POLG: variants seen among roughly 807,000 people sequenced by gnomAD.
POLG encodes the protein DNA polymerase subunit gamma-1.
In POLG, 110 loss-of-function variants were observed where a neutral mutation model predicts 155.4. The ratio of observed to expected loss-of-function variants is 0.71; its 90% CI spans 0.61 to 0.83. POLG has a LOEUF of 0.83. Among genes scored for constraint, POLG ranks in the 40% least tolerant of loss-of-function variants. The probability of loss-of-function intolerance (pLI) is 0.00; values close to 1 mark genes in which losing one functional copy is unlikely to be tolerated. For synonymous variants in POLG, 701 were observed against 631.5 expected, an observed-to-expected ratio of 1.11 and a Z score of -1.65; for missense variants, 1,685 against 1,627.5, an observed-to-expected ratio of 1.04 and a Z score of -0.61.
chr15:89,323,800 C>T lies in POLG; in HGVS notation c.2157+15G>A, dbSNP rs766521182. 77 of 1,607,796 alleles carry T rather than the reference C, an allele frequency of 4.8e-5. No homozygotes were observed. The highest frequency in any genetic ancestry group is 6.7e-5 in the African/African-American group (5 of 74,790). ...CAGCACCCACCTAGAGAACCCAAGC[C>T]GGCGCACTGCTCACCAGAGCTAGGG... On this transcript the variant is annotated intron_variant, in intron 12 of 22. Transcript: ENST00000268124.
chr15:89,321,356 T>C, intron 16 of POLG, 96 bp from the exon 17 acceptor site: 1 of 1,416,056 alleles, frequency 7.1e-7, no homozygotes, highest in East Asian at 2.4e-5. Flanking sequence ...CCTGAGGGGA[T>C]GGCTTTAGAG....
rs905125108 is a variant in POLG at position 89,324,557 on chromosome 15, C to T, written c.1950-330G>A. On this transcript the variant is annotated intron_variant, in intron 10 of 22. Coordinates refer to ENST00000268124, the MANE Select transcript of POLG (RefSeq NM_002693.3). ...GCCCAGCTGCAGGCTGGCTCCTGTC[C>T]GCTCACCTACCCTCGGGCTCAAAGG... Among the ~76,000 whole-genome samples the T allele has an allele frequency of 5.9e-5, 9 of 152,212 alleles. No individual in the cohort carries two copies. In the South Asian group the frequency reaches 1.0e-3, roughly 17 times the overall value.
intron 9 of POLG, 99 bp downstream of exon 9, chr15:89,326,513 T>C (rs912493837): frequency 7.6e-6 from 10 of 1,319,934 alleles, no homozygotes; most frequent in Non-Finnish European, 1.1e-5. Flanking sequence ...TAAGTATACA[T>C]GTGCATGATG....
chr15:89,319,466 G>GTGT, intron 18 of POLG, 116 bp from the exon 19 acceptor site: 2 of 1,370,716 alleles, frequency 1.5e-6, no homozygotes, highest in Non-Finnish European at 2.0e-6. Flanking sequence ...CATCATGCCA[G>GTGT]TCCCCTAAAG....
Position 89,328,444 on chromosome 15 carries a change from G to A in POLG, c.1250+12C>T, listed in dbSNP as rs985160740. 3 of 1,608,426 alleles carry A rather than the reference G, an allele frequency of 1.9e-6. No individual in the cohort carries two copies. The highest frequency in any genetic ancestry group is 2.6e-6 in the Non-Finnish European group (3 of 1,175,502). ...CTGACCCCCAGAGATTCCCACATGGGCTCCCCCTCACCTCTCCAAGAAGAG... is the reference window on the plus strand; with the variant it reads ...CTGACCCCCAGAGATTCCCACATGGACTCCCCCTCACCTCTCCAAGAAGAG... On this transcript the variant is annotated intron_variant, in intron 6 of 22. Coordinates refer to ENST00000268124, the MANE Select transcript of POLG (RefSeq NM_002693.3).
Position 89,321,130 on chromosome 15 carries a change from A to G in POLG, c.2729T>C (p.Met910Thr), listed in dbSNP as rs2055389873. Reference protein sequence around the residue: ...AVLGDAHFAGMHGCTAFGWMT... With the variant: ...AVLGDAHFAGTHGCTAFGWMT... ...CAACCCCGGCTCCTGCTCACCATGC[A>G]TGCCGGCAAAGTGGGCGTCTCCAAG... is the stretch of plus-strand genomic sequence containing the variant. Residue 910 changes from methionine to threonine, a missense_variant, in exon 17 of 23, where the codon ATG (methionine) becomes ACG (threonine). Around this residue, in one of 3 missense-constraint regions of POLG, gnomAD observed 470 missense variants for 439.9 expected, o/e 1.07. Coordinates refer to ENST00000268124, the MANE Select transcript of POLG (RefSeq NM_002693.3). 1.9e-6 allele frequency: 3 copies of G among 1,614,120 alleles called. No individual in the cohort carries two copies. The highest frequency in any genetic ancestry group is 2.7e-5 in the African/African-American group (2 of 74,950).
chr15:89,331,258 C>G (rs8032519), intron 2 of POLG, among the ~76,000 whole-genome samples: 1 of 152,168 alleles, frequency 6.6e-6, no homozygotes, highest in African/African-American at 2.4e-5. Flanking sequence ...AACTCATACT[C>G]CAAATGGTGA....
chr15:89,328,432 A>G (rs1343835813), intron 6 of POLG, 24 bp downstream of exon 6: 1 of 1,596,178 alleles, frequency 6.3e-7, no homozygotes, highest in Non-Finnish European at 8.6e-7. Flanking sequence ...ACCCCCAGAG[A>G]TTCCCACATG....
chr15:89,321,782 G>C lies in POLG; in HGVS notation c.2552C>G (p.Thr851Ser), dbSNP rs765339802. ...CCATGTGGGCTCCACAGCCCGGCGA[G>C]TGATGGTGCCGGCAGTCACCACTTG... Reference protein sequence around the residue: ...LPQVVTAGTITRRAVEPTWLT... With the variant: ...LPQVVTAGTISRRAVEPTWLT... The change falls in exon 16 of 23, where the codon ACT becomes AGT. Residue 851 changes from threonine (T) to serine (S), a missense_variant. Thr to Ser is a moderately conservative substitution (Grantham distance 58). This residue lies in a region of POLG where 1,210 missense variants were observed against 1,167.1 expected (regional missense o/e 1.04). Coordinates refer to ENST00000268124, the MANE Select transcript of POLG (RefSeq NM_002693.3). 3 of 1,614,160 alleles carry C rather than the reference G, an allele frequency of 1.9e-6. No homozygotes were observed. Among genetic ancestry groups the C allele is most frequent in the East Asian group, 4.5e-5 (2 of 44,876 alleles).
rs1491389539 is a variant in POLG, at chr15:89,325,103, AGT to A, written c.1949+345_1949+346del. ...GAGTGAGAGAGTGAGTGAGTGAGAGAGTGAGAGAGAGTGAGTGAGTGAGTGAG... is the reference window on the plus strand; with the variant it reads ...GAGTGAGAGAGTGAGTGAGTGAGAGAGAGAGAGAGTGAGTGAGTGAGTGAG... On this transcript the variant is annotated intron_variant, in intron 10 of 22. Coordinates refer to ENST00000268124, the MANE Select transcript of POLG (RefSeq NM_002693.3). Among the ~76,000 whole-genome samples, 46 of 77,558 alleles carry A rather than the reference AGT, an allele frequency of 5.9e-4. 6 individuals are homozygous for A. Among genetic ancestry groups the A allele is most frequent in the African/African-American group, 3.1e-3 (32 of 10,202 alleles). 50.9% of individuals were successfully genotyped at this position (77,558 alleles called of 152,430 possible). A position where few individuals can be genotyped will look rare whatever the true frequency, so the allele number is the denominator to read the frequency against.
chr15:89,331,153 G>C (rs899961491), intron 2 of POLG, among the ~76,000 whole-genome samples: 1 of 44,772 alleles, frequency 2.2e-5, no homozygotes, highest in Admixed American at 1.8e-4. Flanking sequence ...AGGGAAAAAG[G>C]GAGTATCTGC....
chr15:89,331,749 G>A (rs1005189403), intron 2 of POLG, among the ~76,000 whole-genome samples: 4 of 152,128 alleles, frequency 2.6e-5, no homozygotes, highest in East Asian at 1.9e-4. Flanking sequence ...AAAGTGGACC[G>A]CTATTAGGGC....
Position 89,327,817 on chromosome 15 carries a change from G to A in POLG, c.1251-468C>T, listed in dbSNP as rs74516766. Among the ~76,000 whole-genome samples, 675 of 150,166 alleles carry A rather than the reference G, an allele frequency of 4.5e-3. 7 individuals are homozygous for A. The highest frequency in any genetic ancestry group is 0.016 in the African/African-American group (643 of 40,778). ...ACCCGAGACAGCAAGCCCAACCCCC[G>A]CCCTCAGCCTACTCAACGTGAAGGA... On this transcript the variant is annotated intron_variant, in intron 6 of 22. Transcript: ENST00000268124.
chr15:89,322,905 G>A lies in POLG; in HGVS notation c.2266-3C>T, dbSNP rs777809569. On this transcript the variant is annotated splice_polypyrimidine_tract_variant and splice_region_variant and intron_variant, in intron 13 of 22. Transcript: ENST00000268124. ...CCCACATTACAGCTATTACCATCCT[G>A]GACAGAGCAAAGGAAGCAGGGGCTG... 3.1e-6 allele frequency: 5 copies of A among 1,611,916 alleles called. No homozygotes were observed. In the South Asian group the frequency reaches 3.3e-5, roughly 11 times the overall value.
chr15:89,325,153 AGTGAGTGAGTGAGT>A (rs2055478586), intron 10 of POLG, among the ~76,000 whole-genome samples: 1 of 94,926 alleles, frequency 1.1e-5, no homozygotes, highest in Non-Finnish European at 2.2e-5. Flanking sequence ...AGAGTGAGTG[AGTGAGTGAGTGAGT>A]GAGAGAGTGA....
intron 22 of POLG, 36 bp downstream of exon 22, chr15:89,317,340 C>A: frequency 8.1e-6 from 13 of 1,607,490 alleles, no homozygotes; most frequent in Non-Finnish European, 1.1e-5. Context: ...CACCTCAGAT[C>A]CTATGTGTAA....
rs376649412 is a variant in POLG, at chr15:89,328,691, G to A, written c.1164C>T (p.Asn388=). ...VKGTMKDIRE[N]FQDLMQYCAQ... Reference sequence around the variant, plus strand: ...GCCCCCTCCAGCACCATACCTGGAAGTTCTCACGAATGTCCTTCATGGTGC... The same window carrying A: ...GCCCCCTCCAGCACCATACCTGGAAATTCTCACGAATGTCCTTCATGGTGC... The change falls in exon 5 of 23, where the codon AAC becomes AAT. Residue 388 remains asparagine (N), a synonymous_variant. Transcript: ENST00000268124. 3 of 1,614,042 alleles carry A rather than the reference G, an allele frequency of 1.9e-6. No individual in the cohort carries two copies. Among genetic ancestry groups the A allele is most frequent in the African/African-American group, 1.3e-5 (1 of 74,946 alleles).
At chr15:89,323,943 G>C (rs373309624) in intron 11 of POLG, 42 bp from the exon 12 acceptor site, 1 of 1,543,730 alleles carries the variant, frequency 6.5e-7, no homozygotes, top group Non-Finnish European at 9.0e-7. Context: ...CAGGGGACTG[G>C]GTAGGCCCCA....
chr15:89,324,432 C>T, intron 10 of POLG: 1 of 663,804 alleles, frequency 1.5e-6, no homozygotes, highest in Non-Finnish European at 2.7e-6. Flanking sequence ...GGCTGGGGTT[C>T]AAGGCCTTGT....
Sources: gnomAD v4.1 joint callset for allele counts (sites outside exome capture counted in the v4.1 genomes callset) on GRCh38, gnomAD v4.1.1 for gene constraint, gnomAD v4.1.1 regional missense constraint, MANE v1.5 for transcripts, NCBI Gene and HGNC (gene_info 2026-07-23, HGNC 2026-07-21) for gene names.